The following TRAPPC9 variants were observed in gnomAD, a reference collection of about 807,000 sequenced individuals.
TRAPPC9 encodes the protein trafficking protein particle complex subunit 9.
In TRAPPC9, 83 loss-of-function variants were observed where a neutral mutation model predicts 124.0. The ratio of observed to expected loss-of-function variants is 0.67; its 90% CI spans 0.56 to 0.80. TRAPPC9 has a LOEUF of 0.80. Ranked by LOEUF, TRAPPC9 falls within the 30% of genes least tolerant of loss-of-function variation. The probability of loss-of-function intolerance (pLI) is 0.00; values close to 1 mark genes in which losing one functional copy is unlikely to be tolerated. For missense variants in TRAPPC9, 1,302 were observed against 1,508.3 expected, an observed-to-expected ratio of 0.86 and a Z score of 2.27; for synonymous variants, 638 against 617.5, an observed-to-expected ratio of 1.03 and a Z score of -0.49.
chr8:140,375,014 A>T (rs2068394690), intron 7 of TRAPPC9, among the ~76,000 whole-genome samples: 1 of 152,214 alleles, frequency 6.6e-6, no homozygotes, highest in Non-Finnish European at 1.5e-5. Flanking sequence ...GAAAAGCTCG[A>T]GCGCAACTGC....
chr8:139,841,756 G>A (rs943404708), intron 21 of TRAPPC9, among the ~76,000 whole-genome samples: 5 of 152,240 alleles, frequency 3.3e-5, no homozygotes, highest in African/African-American at 1.2e-4. Context: ...GCCCACTCAC[G>A]AGGAGCTCAC....
intron 9 of TRAPPC9, among the ~76,000 whole-genome samples, chr8:140,346,921 T>C (rs887041823): frequency 6.6e-6 from 1 of 152,162 alleles, no homozygotes; most frequent in Non-Finnish European, 1.5e-5. Context: ...GGAATGACAC[T>C]TCCCAGCCCC....
At chr8:140,256,731 G>A (rs1430142258) in intron 15 of TRAPPC9, among the ~76,000 whole-genome samples, 1 of 152,106 alleles carries the variant, frequency 6.6e-6, no homozygotes, top group African/African-American at 2.4e-5. Flanking sequence ...CACCTTCCTA[G>A]CTTGCCATTG....
At chr8:140,334,119 T>C (rs990109198) in intron 9 of TRAPPC9, among the ~76,000 whole-genome samples, 2 of 152,244 alleles carry the variant, frequency 1.3e-5, no homozygotes, top group Non-Finnish European at 2.9e-5. Context: ...CTCTCATGTG[T>C]AATATGCTCA....
intron 20 of TRAPPC9, among the ~76,000 whole-genome samples, chr8:139,901,019 A>G (rs963076745): frequency 1.3e-5 from 2 of 151,556 alleles, no homozygotes; most frequent in African/African-American, 2.4e-5. Context: ...ATAAATAAAT[A>G]AAAATAAAAT....
At chr8:140,086,892 A>C (rs1023478652) in intron 17 of TRAPPC9, among the ~76,000 whole-genome samples, 1 of 151,982 alleles carries the variant, frequency 6.6e-6, no homozygotes, top group Non-Finnish European at 1.5e-5. Context: ...AGATCACGCC[A>C]CTGTACTCTA....
At chr8:140,396,462 G>A (rs886070094) in intron 7 of TRAPPC9, among the ~76,000 whole-genome samples, 10 of 151,816 alleles carry the variant, frequency 6.6e-5, no homozygotes, top group South Asian at 2.1e-4. Flanking sequence ...TTTAAAACCC[G>A]CCGCTCTTAG....
In TRAPPC9 at chr8:139,956,355, G is replaced by T. The variant is rs537583207; in HGVS notation, c.2810+32371C>A. The stretch of plus-strand genomic sequence containing the variant: ...TTTTTGTATTTTTAGTAGAGACGGG[G>T]TTTCACTATGTTTGCCACGCTGGTC... On this transcript the variant is annotated intron_variant, in intron 19 of 22. Coordinates refer to ENST00000438773, the MANE Select transcript of TRAPPC9 (RefSeq NM_001160372.4). Among the ~76,000 whole-genome samples, 5 of 152,174 alleles carry T rather than the reference G, an allele frequency of 3.3e-5. No individual in the cohort carries two copies. In the South Asian group the frequency reaches 1.0e-3, roughly 32 times the overall value.
chr8:140,017,585 T>A (rs1039343692), intron 18 of TRAPPC9, among the ~76,000 whole-genome samples: 2 of 152,220 alleles, frequency 1.3e-5, no homozygotes, highest in Non-Finnish European at 1.5e-5. Flanking sequence ...TGATCTCTTT[T>A]TCTGTCTTTA....
At chr8:140,238,121 G>A (rs1460469949) in intron 16 of TRAPPC9, among the ~76,000 whole-genome samples, 4 of 152,156 alleles carry the variant, frequency 2.6e-5, no homozygotes, top group Admixed American at 2.0e-4. Context: ...CAGCCTGGGC[G>A]GAAAGGGCAG....
At chr8:140,245,396 C>T (rs1034857925) in intron 16 of TRAPPC9, among the ~76,000 whole-genome samples, 1 of 151,936 alleles carries the variant, frequency 6.6e-6, no homozygotes, top group African/African-American at 2.4e-5. Flanking sequence ...TTTAGCTGTG[C>T]CTGTTTTTAA....
chr8:140,426,953 T>G (rs2070445286), intron 4 of TRAPPC9, among the ~76,000 whole-genome samples: 1 of 151,530 alleles, frequency 6.6e-6, no homozygotes, highest in Admixed American at 6.6e-5. Flanking sequence ...TGAGACAGAG[T>G]CTTGCTCTGT....
At chr8:140,187,889 G>A (rs1030769590) in intron 17 of TRAPPC9, among the ~76,000 whole-genome samples, 1 of 152,134 alleles carries the variant, frequency 6.6e-6, no homozygotes, top group African/African-American at 2.4e-5. Flanking sequence ...TGCCCAGGCT[G>A]GTCTCAACTT....
rs370163691 is a variant in TRAPPC9, at chr8:139,982,057, G to C, written c.2810+6669C>G. 4.7e-3 allele frequency among the ~76,000 whole-genome samples: 710 copies of C among 152,288 alleles called. 4 individuals carry two copies. Among genetic ancestry groups the C allele is most frequent in the African/African-American group, 0.016 (672 of 41,554 alleles). Reference sequence around the variant, plus strand: ...ATAAAGAGGTTTATGCATACATGAGGGTTGTCATGAAATTTAATTTCAATG... The same window carrying C: ...ATAAAGAGGTTTATGCATACATGAGCGTTGTCATGAAATTTAATTTCAATG... On this transcript the variant is annotated intron_variant, in intron 19 of 22. Coordinates refer to ENST00000438773, the MANE Select transcript of TRAPPC9 (RefSeq NM_001160372.4).
chr8:139,949,230 G>T (rs145031539), intron 19 of TRAPPC9, among the ~76,000 whole-genome samples: 158 of 152,156 alleles, frequency 1.0e-3, no homozygotes, highest in African/African-American at 3.7e-3. Context: ...AAGGGTAAAA[G>T]AAAATTATGA....
chr8:139,904,879 C>A (rs905753501), intron 20 of TRAPPC9: 1 of 152,260 alleles, frequency 6.6e-6, no homozygotes, highest in Non-Finnish European at 1.5e-5. Flanking sequence ...TGACCCCAGG[C>A]TCCAGTCCTC....
At chr8:140,202,345 G>C (rs1326461360) in intron 17 of TRAPPC9, among the ~76,000 whole-genome samples, 1 of 152,026 alleles carries the variant, frequency 6.6e-6, no homozygotes, top group Non-Finnish European at 1.5e-5. Context: ...ACAGAAAAGG[G>C]AAATAAAACC....
chr8:140,140,048 C>T (rs556756337), intron 17 of TRAPPC9, among the ~76,000 whole-genome samples: 55 of 152,224 alleles, frequency 3.6e-4, no homozygotes, highest in African/African-American at 1.3e-3. Flanking sequence ...AGGACCACAA[C>T]GGGGTGCTTG....
chr8:139,793,671 C>T (rs191004563), intron 21 of TRAPPC9, among the ~76,000 whole-genome samples: 2 of 152,276 alleles, frequency 1.3e-5, no homozygotes, highest in Non-Finnish European at 2.9e-5. Flanking sequence ...GGGCTGAAGT[C>T]GCTAGGGGTG....
Sources: allele counts gnomAD v4.1 joint callset (sites outside exome capture counted in the v4.1 genomes callset), GRCh38; gene constraint gnomAD v4.1.1; transcripts MANE v1.5; gene names NCBI Gene and HGNC (gene_info 2026-07-23, HGNC 2026-07-21).